The following SMYD3 variants were observed in gnomAD, a reference collection of about 807,000 sequenced individuals.
SMYD3 encodes SET and MYND domain containing 3.
In SMYD3, 36 loss-of-function variants were observed where a neutral mutation model predicts 57.7. That is an observed-to-expected ratio of 0.62 (90% confidence interval 0.48 to 0.82). SMYD3 has a LOEUF of 0.82. Ranked by LOEUF, SMYD3 falls within the 40% of genes least tolerant of loss-of-function variation. The pLI, the probability that SMYD3 is intolerant of heterozygous loss-of-function variation, is 0.00. For synonymous variants in SMYD3, 211 were observed against 195.0 expected, an observed-to-expected ratio of 1.08 and a Z score of -0.68; for missense variants, 515 against 538.8, an observed-to-expected ratio of 0.96 and a Z score of 0.44.
At chr1:246,106,474 GA>G (rs1330977732) in intron 5 of SMYD3, among the ~76,000 whole-genome samples, 2 of 148,494 alleles carry the variant, frequency 1.3e-5, no homozygotes, top group African/African-American at 5.0e-5. Flanking sequence ...ACAGCAAGGC[GA>G]GTAAACTGAT....
chr1:245,822,263 T>C (rs2049203564), intron 10 of SMYD3, among the ~76,000 whole-genome samples: 3 of 151,442 alleles, frequency 2.0e-5, no homozygotes, highest in East Asian at 3.9e-4. Flanking sequence ...TGGATGAAAT[T>C]GGAAATCATC....
intron 5 of SMYD3, among the ~76,000 whole-genome samples, chr1:246,185,601 A>T (rs1391457051): frequency 6.9e-6 from 1 of 145,406 alleles, no homozygotes; most frequent in Admixed American, 6.8e-5. Flanking sequence ...AGCTGAAACT[A>T]CAGGCGCCCG....
intron 5 of SMYD3, among the ~76,000 whole-genome samples, chr1:246,279,133 C>T (rs1780817): frequency 0.46 from 70,431 of 152,026 alleles, 17,248 homozygotes; most frequent in East Asian, 0.79. Context: ...CAGGGCCTTA[C>T]TCCCTTCTGT....
intron 1 of SMYD3, among the ~76,000 whole-genome samples, chr1:246,428,062 G>A (rs2067246945): frequency 6.6e-6 from 1 of 152,122 alleles, no homozygotes; most frequent in Non-Finnish European, 1.5e-5. Context: ...TAGACCTCTT[G>A]ACAATGTAGG....
chr1:246,324,984 C>CG (rs144656985), intron 5 of SMYD3, among the ~76,000 whole-genome samples: 3,562 of 92,128 alleles, frequency 0.039, 78 homozygotes, highest in East Asian at 0.11. Flanking sequence ...GAGAAGGAGT[C>CG]AGGGGGCGGG....
At chr1:246,190,721 A>G (rs1361638220) in intron 5 of SMYD3, among the ~76,000 whole-genome samples, 1 of 152,022 alleles carries the variant, frequency 6.6e-6, no homozygotes, top group East Asian at 1.9e-4. Flanking sequence ...CAACTCACAC[A>G]CAAAAAGCCA....
chr1:245,994,531 C>G (rs768314310), intron 5 of SMYD3, among the ~76,000 whole-genome samples: 3 of 152,222 alleles, frequency 2.0e-5, no homozygotes, highest in South Asian at 2.1e-4. Context: ...CATTTTCTCC[C>G]GGGACATCAA....
intron 5 of SMYD3, chr1:246,188,959 CA>C (rs76022016): frequency 0.028 from 2,720 of 98,388 alleles, 27 homozygotes; most frequent in Middle Eastern, 0.073. Context: ...GACCCTGTCT[CA>C]AAAAAAAAAA....
At chr1:245,953,161 G>T in intron 5 of SMYD3, 1 of 863,660 alleles carries the variant, frequency 1.2e-6, no homozygotes, top group Non-Finnish European at 1.4e-6. Context: ...AGGAATTGAA[G>T]CTAGTTAGAT....
chr1:245,810,402 G>A (rs1037390378), intron 10 of SMYD3, among the ~76,000 whole-genome samples: 12 of 152,274 alleles, frequency 7.9e-5, no homozygotes, highest in Admixed American at 1.3e-4. Flanking sequence ...AGAATCCCCC[G>A]CTAATCCTCC....
intron 4 of SMYD3, among the ~76,000 whole-genome samples, chr1:246,329,423 G>A (rs1451207960): frequency 1.3e-5 from 2 of 152,098 alleles, no homozygotes; most frequent in East Asian, 3.9e-4. Context: ...GTTTTGATTT[G>A]CATTTCTCTG....
chr1:245,963,305 A>T (rs759464077), intron 5 of SMYD3, among the ~76,000 whole-genome samples: 50 of 152,346 alleles, frequency 3.3e-4, no homozygotes, highest in Admixed American at 9.1e-4. Flanking sequence ...TAGATCTGCC[A>T]AAGAAATAAG....
chr1:246,150,976 A>G (rs7538139), intron 5 of SMYD3, among the ~76,000 whole-genome samples: 129,150 of 152,216 alleles, frequency 0.85, 55,385 homozygotes, highest in Admixed American at 0.89. Context: ...GGCTGGGCGC[A>G]GTGGCTCACG....
chr1:245,853,602 A>G (rs943543700), intron 10 of SMYD3, among the ~76,000 whole-genome samples: 3 of 152,222 alleles, frequency 2.0e-5, no homozygotes, highest in African/African-American at 4.8e-5. Context: ...CACACTGACA[A>G]AAACCCATGA....
chr1:246,249,912 G>T (rs151234875), intron 5 of SMYD3, among the ~76,000 whole-genome samples: 1 of 152,306 alleles, frequency 6.6e-6, no homozygotes, highest in Admixed American at 6.5e-5. Flanking sequence ...TCTTCTAAGA[G>T]CAGCTCCCCC....
In SMYD3 at chr1:245,771,443, C is replaced by T. The variant is rs560414408; in HGVS notation, c.1077-7294G>A. Among the ~76,000 whole-genome samples the T allele has an allele frequency of 3.3e-5, 5 of 152,282 alleles. No homozygotes were observed. In the South Asian group the frequency reaches 1.0e-3, roughly 32 times the overall value. ...AGAAATGATGGACTTCAGGAGATAG[C>T]CTCAAGTTTCAAAAGATTTGGAATT... On this transcript the variant is annotated intron_variant, in intron 10 of 11. Transcript: ENST00000490107.
intron 5 of SMYD3, among the ~76,000 whole-genome samples, chr1:246,039,907 A>C (rs1158658248): frequency 6.6e-6 from 1 of 152,210 alleles, no homozygotes; most frequent in Non-Finnish European, 1.5e-5. Context: ...GGGATATGAG[A>C]AGAAGAGTGG....
chr1:245,995,146 T>C (rs2148127844), intron 5 of SMYD3, among the ~76,000 whole-genome samples: 1 of 152,202 alleles, frequency 6.6e-6, no homozygotes, highest in East Asian at 1.9e-4. Context: ...TTAAGACACA[T>C]GAATAAATAA....
intron 5 of SMYD3, among the ~76,000 whole-genome samples, chr1:246,124,672 C>A (rs1170719427): frequency 4.6e-5 from 7 of 152,038 alleles, no homozygotes; most frequent in African/African-American, 1.7e-4. Flanking sequence ...TGACATAAGG[C>A]CGGAGAGGGA....
Sources: gnomAD v4.1 joint callset for allele counts (sites outside exome capture counted in the v4.1 genomes callset) on GRCh38, gnomAD v4.1.1 for gene constraint, MANE v1.5 for transcripts, NCBI Gene and HGNC (gene_info 2026-07-23, HGNC 2026-07-21) for gene names.